Variants in RFX4 observed in about 807,000 individuals in gnomAD.
The protein encoded by RFX4 is regulatory factor X4, also known as transcription factor RFX4.
Under a neutral mutation model 95.0 loss-of-function variants are expected in RFX4, and 10 were observed. That is an observed-to-expected ratio of 0.11 (90% CI 0.06 to 0.18). RFX4 has a LOEUF of 0.18. RFX4 is among the 10% of genes least tolerant of loss of function. RFX4 has a pLI of 1.00. For missense variants in RFX4, 640 were observed against 922.0 expected, an observed-to-expected ratio of 0.69 and a Z score of 3.96; for synonymous variants, 321 against 340.7, an observed-to-expected ratio of 0.94 and a Z score of 0.64.
At chr12:106,750,936 A>ATTTATTTG in intron 17 of RFX4, 143 bp downstream of exon 17, 2 of 682,108 alleles carry the variant, frequency 2.9e-6, no homozygotes, top group Non-Finnish European at 4.0e-6. Flanking sequence ...TTATTTATTT[A>ATTTATTTG]TTTATTTTTA....
At chr12:106,621,942 C>A (rs368235766) in intron 2 of RFX4, among the ~76,000 whole-genome samples, 2 of 152,112 alleles carry the variant, frequency 1.3e-5, no homozygotes, top group African/African-American at 4.8e-5. Context: ...TCCAATGTTT[C>A]CAAATAGCTA....
chr12:106,622,854 CG>C (rs59379710), intron 2 of RFX4, among the ~76,000 whole-genome samples: 151,975 of 151,978 alleles, frequency 1, 75,986 homozygotes, highest in Middle Eastern at 1. Flanking sequence ...CTCTTGACCT[CG>C]GTGATCTGCC....
intron 7 of RFX4, among the ~76,000 whole-genome samples, chr12:106,691,924 C>T (rs1248405400): frequency 4.6e-5 from 7 of 151,998 alleles, no homozygotes; most frequent in Non-Finnish European, 7.4e-5. Flanking sequence ...TTTGGGAGGC[C>T]GAGGTGGGCA....
rs573083851 is a variant in RFX4, at chr12:106,731,826, A to T, written c.1352-304A>T. Among the ~76,000 whole-genome samples the T allele has an allele frequency of 3.3e-5, 5 of 152,206 alleles. No individual in the cohort carries two copies. The South Asian group carries it at 1.0e-3, about 32-fold the overall frequency. ...ATGAGGATGAGGCCAGTGGGTAAGC[A>T]AGAGCTCAGAGATGGCTCGGTGGGT... On this transcript the variant is annotated intron_variant, in intron 13 of 17. Transcript: ENST00000392842.
At chr12:106,646,183 C>A (rs11113066) in intron 3 of RFX4, among the ~76,000 whole-genome samples, 2 of 151,822 alleles carry the variant, frequency 1.3e-5, no homozygotes, top group Non-Finnish European at 2.9e-5. Context: ...GGGGCACATA[C>A]GAAGATGTTC....
intron 2 of RFX4, among the ~76,000 whole-genome samples, chr12:106,636,655 G>A (rs1047344498): frequency 6.6e-6 from 1 of 152,184 alleles, no homozygotes. Flanking sequence ...TTTACATTCC[G>A]TTCCTGAGAA....
chr12:106,737,162 G>GTTTTTTTTTTTTTT (rs556116618), intron 15 of RFX4, among the ~76,000 whole-genome samples: 1 of 54,926 alleles, frequency 1.8e-5, no homozygotes, highest in Non-Finnish European at 3.5e-5. Flanking sequence ...CGGAACTAAA[G>GTTTTTTTTTTTTTT]TTTTTTTTTT....
intron 2 of RFX4, among the ~76,000 whole-genome samples, chr12:106,620,661 T>TA (rs2040165697): frequency 6.6e-6 from 1 of 151,998 alleles, no homozygotes; most frequent in Non-Finnish European, 1.5e-5. Flanking sequence ...ATAAACATCT[T>TA]AAAAAACAGA....
chr12:106,584,318 C>A (rs889994893), intron 1 of RFX4, among the ~76,000 whole-genome samples: 2 of 152,152 alleles, frequency 1.3e-5, no homozygotes, highest in African/African-American at 4.8e-5. Context: ...TTACAGTTCA[C>A]CCCCTCCCCT....
chr12:106,598,478 AG>A, intron 1 of RFX4, among the ~76,000 whole-genome samples: 1 of 152,352 alleles, frequency 6.6e-6, no homozygotes, highest in East Asian at 1.9e-4. Flanking sequence ...ACACAAAAAA[AG>A]AAAAGAAAGG....
intron 7 of RFX4, among the ~76,000 whole-genome samples, chr12:106,690,604 G>A (rs4964482): frequency 6.6e-6 from 1 of 152,008 alleles, no homozygotes; most frequent in African/African-American, 2.4e-5. Flanking sequence ...AGGGACTCAG[G>A]CTCCTTCCAC....
At position 106,747,468 on chromosome 12, in the gene RFX4, A is replaced by G; in HGVS notation, c.1665A>G (p.Thr555=). 3.1e-6 allele frequency: 5 copies of G among 1,614,192 alleles called. No individual in the cohort carries two copies. The highest frequency in any genetic ancestry group is 4.2e-6 in the Non-Finnish European group (5 of 1,180,022). The change falls in exon 16 of 18, where the codon ACA becomes ACG. Residue 555 remains threonine (T), a synonymous_variant. Transcript: ENST00000392842. The stretch of plus-strand genomic sequence containing the variant: ...TGCAGTCTTACACGTGGTCTCTAAC[A>G]TACACAGTGACGACGGCTGCTGGGT... ...GAMQSYTWSL[T]YTVTTAAGSP...
intron 17 of RFX4, among the ~76,000 whole-genome samples, chr12:106,754,188 A>G (rs1337584111): frequency 3.9e-5 from 6 of 152,166 alleles, no homozygotes; most frequent in Non-Finnish European, 8.8e-5. Flanking sequence ...AGTTGATTCC[A>G]ATAAATCATC....
chr12:106,686,017 A>T (rs892739816), intron 5 of RFX4, among the ~76,000 whole-genome samples: 2 of 152,272 alleles, frequency 1.3e-5, no homozygotes, highest in Non-Finnish European at 2.9e-5. Context: ...TTGAGTTAAT[A>T]AAAAGTTCTG....
intron 1 of RFX4, among the ~76,000 whole-genome samples, chr12:106,588,651 A>G (rs1397664062): frequency 1.3e-5 from 2 of 152,168 alleles, no homozygotes; most frequent in African/African-American, 4.8e-5. Context: ...AGTTGGTGCA[A>G]AAGTAATTGT....
chr12:106,703,049 G>C (rs900050988), intron 8 of RFX4, among the ~76,000 whole-genome samples: 1 of 152,098 alleles, frequency 6.6e-6, no homozygotes, highest in East Asian at 1.9e-4. Flanking sequence ...AGTTCATATT[G>C]GCCCATTAGC....
At position 106,700,797 on chromosome 12, in the gene RFX4, AT is replaced by A. The variant is rs2041975123; in HGVS notation, c.833+4354del. 3.3e-5 allele frequency among the ~76,000 whole-genome samples: 5 copies of A among 152,042 alleles called. No individual in the cohort carries two copies. In the South Asian group the frequency reaches 1.0e-3, roughly 32 times the overall value. ...GAATCTTAACAACAGTATACTCCCT[AT>A]TTGTCCTCCCATTTTTATGCTATTG... On this transcript the variant is annotated intron_variant, in intron 8 of 17. Coordinates refer to ENST00000392842, the MANE Select transcript of RFX4 (RefSeq NM_213594.3).
intron 1 of RFX4, among the ~76,000 whole-genome samples, chr12:106,596,725 G>T (rs906954619): frequency 6.6e-6 from 1 of 152,162 alleles, no homozygotes; most frequent in African/African-American, 2.4e-5. Flanking sequence ...TTATAAGAAA[G>T]TGTATTTTTC....
At chr12:106,662,367 G>C (rs2041092011) in intron 4 of RFX4, 1 of 155,132 alleles carries the variant, frequency 6.4e-6, no homozygotes, top group African/African-American at 2.4e-5. Flanking sequence ...TCTTTGGTGA[G>C]GTGTTTGTTA....
Sources: allele counts gnomAD v4.1 joint callset (sites outside exome capture counted in the v4.1 genomes callset), GRCh38; gene constraint gnomAD v4.1.1; transcripts MANE v1.5; gene names NCBI Gene and HGNC (gene_info 2026-07-23, HGNC 2026-07-21).